The following AK3 variants were observed in gnomAD, a reference collection of about 807,000 sequenced individuals.
The protein encoded by AK3 is adenylate kinase 3, also known as GTP:AMP phosphotransferase AK3, mitochondrial.
A neutral mutation model predicts 23.7 loss-of-function variants in AK3; 27 were observed. That is an observed-to-expected ratio of 1.14 (90% confidence interval 0.84 to 1.57). The LOEUF is 1.57. Ranked by LOEUF, AK3 falls within the 40% of genes most tolerant of loss-of-function variation. The pLI, the probability that AK3 is intolerant of heterozygous loss-of-function variation, is 0.00. For synonymous variants in AK3, 159 were observed against 116.0 expected (o/e 1.37, Z -2.38); for missense variants, 406 against 285.6 (o/e 1.42, Z -3.04).
chr9:4,738,210 G>A (rs958955524), intron 1 of AK3, among the ~76,000 whole-genome samples: 2 of 152,094 alleles, frequency 1.3e-5, no homozygotes, highest in Non-Finnish European at 2.9e-5. Flanking sequence ...TTTTCACCTA[G>A]GCTGGAATGC....
chr9:4,732,585 C>T (rs1438088525), intron 1 of AK3, among the ~76,000 whole-genome samples: 1 of 152,090 alleles, frequency 6.6e-6, no homozygotes, highest in East Asian at 1.9e-4. Context: ...CAAAGTTATA[C>T]ACAAAAGTAG....
chr9:4,714,655 G>A (rs1048674266), intron 4 of AK3, among the ~76,000 whole-genome samples: 1 of 152,178 alleles, frequency 6.6e-6, no homozygotes, highest in African/African-American at 2.4e-5. Context: ...TAAATCGTGG[G>A]TGAACATTTG....
At chr9:4,726,180 G>A (rs1842019869) in intron 1 of AK3, among the ~76,000 whole-genome samples, 1 of 152,132 alleles carries the variant, frequency 6.6e-6, no homozygotes, top group African/African-American at 2.4e-5. Flanking sequence ...TTGCCTCCAT[G>A]GCTGATGGCT....
At chr9:4,729,059 G>T (rs1169902278) in intron 1 of AK3, among the ~76,000 whole-genome samples, 2 of 141,320 alleles carry the variant, frequency 1.4e-5, no homozygotes, top group Non-Finnish European at 3.0e-5. Context: ...TGCCCAGGCT[G>T]GAGTGCAATG....
intron 2 of AK3, among the ~76,000 whole-genome samples, chr9:4,720,011 C>G (rs1841852663): frequency 6.6e-6 from 1 of 152,050 alleles, no homozygotes; most frequent in Non-Finnish European, 1.5e-5. Context: ...TGTAGTGAAC[C>G]AAAATTCTAC....
intron 4 of AK3, among the ~76,000 whole-genome samples, chr9:4,715,341 G>A (rs466300): frequency 0.27 from 39,821 of 150,096 alleles, 5,429 homozygotes; most frequent in Middle Eastern, 0.32. Context: ...TAAGACAGGG[G>A]CCCGTGTCTT....
rs1464290362 is a variant in AK3, at chr9:4,741,132, C to A, written c.-45G>T. 7.0e-7 allele frequency: 1 copy of A among 1,418,914 alleles called. No individual in the cohort carries two copies. Among genetic ancestry groups the A allele is most frequent in the Admixed American group, 3.2e-5 (1 of 31,402 alleles). The allele number at this position is 1,418,914 out of a possible 1,614,324, so 87.9% of individuals were successfully genotyped here. A position where few individuals can be genotyped will look rare whatever the true frequency, so the allele number is the denominator to read the frequency against. ...CACCGCGCGGGTACCAGGGCTTTGG[C>A]CTGGCCTGCGCGCTCACCCGCTCGG... On this transcript the variant is annotated 5_prime_UTR_variant, in exon 1 of 5. Transcript: ENST00000381809.
chr9:4,740,833 G>T, intron 1 of AK3, 104 bp downstream of exon 1: 1 of 1,296,432 alleles, frequency 7.7e-7, no homozygotes, highest in East Asian at 3.1e-5. Context: ...GGAGGGAAAT[G>T]CCGCGCCCGC....
rs1842255816 is a variant in AK3, at chr9:4,735,356, T to TACCTAC, written c.151+5580_151+5581insGTAGGT. 5.6e-5 allele frequency among the ~76,000 whole-genome samples: 6 copies of TACCTAC among 107,604 alleles called. 2 individuals are homozygous for TACCTAC. Among genetic ancestry groups the TACCTAC allele is most frequent in the African/African-American group, 2.3e-4 (6 of 25,886 alleles). 70.6% of individuals were successfully genotyped at this position (107,604 alleles called of 152,430 possible). ...AAATATATATATACATATATAAATATATATATACATATATAAATATATATA... is the reference window on the plus strand; with the variant it reads ...AAATATATATATACATATATAAATATACCTACATATATACATATATAAATATATATA... On this transcript the variant is annotated intron_variant, in intron 1 of 4. Coordinates refer to ENST00000381809, the MANE Select transcript of AK3 (RefSeq NM_016282.4).
intron 1 of AK3, among the ~76,000 whole-genome samples, chr9:4,738,340 A>G (rs1364159872): frequency 1.3e-5 from 2 of 152,104 alleles, no homozygotes; most frequent in East Asian, 3.9e-4. Flanking sequence ...TAATTTTTGT[A>G]TTTTTAGTAG....
At position 4,710,396 on chromosome 9, in the gene AK3, T is replaced by C. The variant is rs1841526473; in HGVS notation, c.*2580A>G. ...CTAATTTTTTTTTTTTTTTTTTGTA[T>C]TTTTAGTAGAGACGGGGTTTCACCG... On this transcript the variant is annotated 3_prime_UTR_variant, in exon 5 of 5. Coordinates refer to ENST00000381809, the MANE Select transcript of AK3 (RefSeq NM_016282.4). The C allele has an allele frequency of 7.0e-6, 1 of 142,164 alleles. No homozygotes were observed. The highest frequency in any genetic ancestry group is 1.6e-5 in the Non-Finnish European group (1 of 63,264). The allele number at this position is 142,164 out of a possible 1,614,324, so 8.8% of individuals were successfully genotyped here. A position where few individuals can be genotyped will look rare whatever the true frequency, so the allele number is the denominator to read the frequency against.
chr9:4,730,514 G>A (rs1382512673), intron 1 of AK3, among the ~76,000 whole-genome samples: 1 of 152,122 alleles, frequency 6.6e-6, no homozygotes, highest in African/African-American at 2.4e-5. Flanking sequence ...GAGGTGGGAG[G>A]ATTGCTTGAG....
chr9:4,729,506 T>C (rs934559345), intron 1 of AK3, among the ~76,000 whole-genome samples: 5 of 151,694 alleles, frequency 3.3e-5, no homozygotes, highest in African/African-American at 7.3e-5. Context: ...CCATAAGAGA[T>C]AGCAATTCCT....
In AK3 at chr9:4,736,231, T is replaced by C. The variant is rs552872668; in HGVS notation, c.151+4706A>G. Among the ~76,000 whole-genome samples, 274 of 152,094 alleles carry C rather than the reference T, an allele frequency of 1.8e-3. 1 individual carries two copies. The highest frequency in any genetic ancestry group is 2.9e-3 in the Non-Finnish European group (200 of 67,998). The stretch of plus-strand genomic sequence containing the variant: ...TACATTATATGGTATGTTAATTATA[T>C]CTCAATAAAGCTATTAGAAAAAAAT... On this transcript the variant is annotated intron_variant, in intron 1 of 4. Coordinates refer to ENST00000381809, the MANE Select transcript of AK3 (RefSeq NM_016282.4).
chr9:4,738,296 G>A (rs111576409), intron 1 of AK3, among the ~76,000 whole-genome samples: 17 of 152,180 alleles, frequency 1.1e-4, no homozygotes, highest in African/African-American at 4.1e-4. Context: ...CTCCCAAGTA[G>A]CTAGGATTAC....
chr9:4,735,972 G>A (rs188400246), intron 1 of AK3, among the ~76,000 whole-genome samples: 7 of 151,782 alleles, frequency 4.6e-5, no homozygotes, highest in Admixed American at 3.9e-4. Flanking sequence ...AAAATTAGCT[G>A]GGCATGGTGG....
intron 1 of AK3, among the ~76,000 whole-genome samples, chr9:4,725,054 C>G (rs1841992062): frequency 6.9e-6 from 1 of 144,902 alleles, no homozygotes; most frequent in Non-Finnish European, 1.5e-5. Flanking sequence ...TGGAGTCTCA[C>G]TCTTGTCACC....
intron 1 of AK3, among the ~76,000 whole-genome samples, chr9:4,740,611 C>T (rs1842405952): frequency 6.6e-6 from 1 of 152,350 alleles, no homozygotes; most frequent in East Asian, 1.9e-4. Context: ...CGGCTCAGCT[C>T]GATGGACCCC....
intron 3 of AK3, 105 bp from the exon 4 acceptor site, chr9:4,718,642 G>C: frequency 1.2e-6 from 1 of 834,368 alleles, no homozygotes; most frequent in South Asian, 1.7e-5. Context: ...CAAGTGCCAA[G>C]CACAAAAATG....
Sources: gnomAD v4.1 joint callset for allele counts (sites outside exome capture counted in the v4.1 genomes callset) on GRCh38, gnomAD v4.1.1 for gene constraint, MANE v1.5 for transcripts, NCBI Gene and HGNC (gene_info 2026-07-23, HGNC 2026-07-21) for gene names.